NBAS: variants seen among roughly 807,000 people sequenced by gnomAD.
NBAS encodes the protein NAG/BC035112 fusion.
A neutral mutation model predicts 302.5 loss-of-function variants in NBAS; 219 were observed. That is an observed-to-expected ratio of 0.72 (90% CI 0.65 to 0.81). The LOEUF (loss-of-function observed/expected upper bound fraction) is 0.81. Ranked by LOEUF, NBAS falls within the 30% of genes least tolerant of loss-of-function variation. The pLI is 0.00. For synonymous variants in NBAS, 1,118 were observed against 1,021.6 expected, an observed-to-expected ratio of 1.09 and a Z score of -1.80; for missense variants, 2,932 against 2,841.6, an observed-to-expected ratio of 1.03 and a Z score of -0.72.
chr2:14,976,778 C>T, the NBAS span, among the ~76,000 whole-genome samples: 3 of 152,142 alleles, frequency 2.0e-5, no homozygotes, highest in African/African-American at 7.2e-5. Context: ...GAGGAGAAAA[C>T]CATGTGAAGA....
At position 15,245,241 on chromosome 2, in the gene NBAS, C is replaced by T. The variant is rs577996608; in HGVS notation, c.5725-6555G>A. Among the ~76,000 whole-genome samples, 7 of 152,270 alleles carry T rather than the reference C, an allele frequency of 4.6e-5. No individual in the cohort carries two copies. The East Asian group carries it at 1.2e-3, about 25-fold the overall frequency. ...GCGATCTGCTCTTCCCCTCACCCTGCCTCTCTGATCCTATCCCCTCCCTGC... is the reference window on the plus strand; with the variant it reads ...GCGATCTGCTCTTCCCCTCACCCTGTCTCTCTGATCCTATCCCCTCCCTGC... On this transcript the variant is annotated intron_variant, in intron 44 of 51. Coordinates refer to ENST00000281513, the MANE Select transcript of NBAS (RefSeq NM_015909.4).
chr2:15,446,254 A>G (rs189161714), intron 21 of NBAS, among the ~76,000 whole-genome samples: 2 of 152,302 alleles, frequency 1.3e-5, no homozygotes, highest in Admixed American at 6.5e-5. Flanking sequence ...CAAGGCATAT[A>G]ATAATAAAAT....
intron 28 of NBAS, chr2:15,393,654 C>T (rs1269227261): frequency 1.1e-5 from 5 of 470,490 alleles, no homozygotes; most frequent in Admixed American, 9.4e-5. Context: ...TATGAAAAGT[C>T]GTAGCAACTT....
the NBAS span, among the ~76,000 whole-genome samples, chr2:15,122,008 G>A: frequency 6.6e-6 from 1 of 152,180 alleles, no homozygotes; most frequent in East Asian, 1.9e-4. Flanking sequence ...CAGTGGTTAA[G>A]ATCTTTTGCT....
rs76071043 is a variant in NBAS, at chr2:15,372,324, G to T, written c.3703+2284C>A. ...CACATAGGGAGTCATTTTTACATGC[G>T]ACTTCTGTTCCTGTTTTCAATTGGC... On this transcript the variant is annotated intron_variant, in intron 31 of 51. Transcript: ENST00000281513. Among the ~76,000 whole-genome samples the T allele has an allele frequency of 6.0e-3, 911 of 152,160 alleles. 10 individuals carry two copies. The highest frequency in any genetic ancestry group is 0.02 in the African/African-American group (827 of 41,518).
chr2:15,394,247 C>A lies in NBAS; in HGVS notation c.3237G>T (p.Leu1079Phe). The change falls in exon 28 of 52, where the codon TTG becomes TTT. Residue 1079 changes from leucine (L) to phenylalanine (F), a missense_variant. Transcript: ENST00000281513. ...SEEARKLMVR[L>F]TRHTGRKQPP... ...CTCACTTCCGGCCAGTGTGCCTCGT[C>A]AATCTAACCATCAGCTTGCGTGCCT... 6.2e-7 allele frequency: 1 copy of A among 1,610,950 alleles called. No homozygotes were observed. The highest frequency in any genetic ancestry group is 1.1e-5 in the South Asian group (1 of 90,792).
chr2:15,063,080 T>C, the NBAS span, among the ~76,000 whole-genome samples: 3 of 152,212 alleles, frequency 2.0e-5, no homozygotes, highest in Non-Finnish European at 2.9e-5. Flanking sequence ...TAACCCATTG[T>C]CAATCCTTGA....
At chr2:14,806,959 G>A in the NBAS span, among the ~76,000 whole-genome samples, 1 of 152,228 alleles carries the variant, frequency 6.6e-6, no homozygotes, top group East Asian at 1.9e-4. Flanking sequence ...TTATTTTTGT[G>A]AAATGCTGCA....
chr2:15,065,769 C>G, the NBAS span, among the ~76,000 whole-genome samples: 1 of 152,078 alleles, frequency 6.6e-6, no homozygotes, highest in Non-Finnish European at 1.5e-5. Flanking sequence ...AAAGATGCTA[C>G]ATGTTTATGG....
At chr2:14,813,417 GA>G in the NBAS span, among the ~76,000 whole-genome samples, 1 of 152,156 alleles carries the variant, frequency 6.6e-6, no homozygotes, top group East Asian at 1.9e-4. Flanking sequence ...AACTTATTGG[GA>G]ACTGGAATAA....
At chr2:15,133,737 ATG>A in the NBAS span, among the ~76,000 whole-genome samples, 10 of 151,880 alleles carry the variant, frequency 6.6e-5, no homozygotes, top group East Asian at 7.7e-4. Context: ...GGTAGATATA[ATG>A]TGTGTGTGTG....
chr2:14,861,502 C>T, the NBAS span, among the ~76,000 whole-genome samples: 1 of 152,184 alleles, frequency 6.6e-6, no homozygotes, highest in African/African-American at 2.4e-5. Flanking sequence ...TTTAGAAAAA[C>T]AAAACATCTT....
At chr2:15,178,242 T>C (rs1366670134) in intron 51 of NBAS, 1 of 454,788 alleles carries the variant, frequency 2.2e-6, no homozygotes, top group Non-Finnish European at 4.5e-6. Flanking sequence ...TACATATGTG[T>C]GCATGTATGT....
chr2:15,328,222 T>A lies in NBAS; in HGVS notation c.4438A>T (p.Ile1480Phe). 1 of 1,613,886 alleles carries A rather than the reference T, an allele frequency of 6.2e-7. No individual in the cohort carries two copies. ...ACCTCAGCGACAAAAGGATTTGAGATGACAGATTCATAAAAAGGATGACAC... is the reference window on the plus strand; with the variant it reads ...ACCTCAGCGACAAAAGGATTTGAGAAGACAGATTCATAAAAAGGATGACAC... Reference protein sequence around the residue: ...QGCHPFYESVISNPFVAESEG... With the variant: ...QGCHPFYESVFSNPFVAESEG... The change falls in exon 37 of 52, where the codon ATC becomes TTC. Residue 1480 changes from isoleucine to phenylalanine, a missense_variant. Transcript: ENST00000281513.
chr2:15,274,661 G>A (rs1558494149), intron 44 of NBAS, among the ~76,000 whole-genome samples: 1 of 152,116 alleles, frequency 6.6e-6, no homozygotes, highest in Non-Finnish European at 1.5e-5. Context: ...AGTCAAAGGA[G>A]GCCAAACTGA....
the NBAS span, among the ~76,000 whole-genome samples, chr2:15,080,286 T>C: frequency 1.4e-4 from 21 of 152,332 alleles, no homozygotes; most frequent in African/African-American, 5.1e-4. Flanking sequence ...CACATGCACC[T>C]AGAGATAAGG....
the NBAS span, among the ~76,000 whole-genome samples, chr2:14,937,144 A>G: frequency 6.6e-6 from 1 of 152,164 alleles, no homozygotes; most frequent in Admixed American, 6.5e-5. Context: ...GAAGAGGGAG[A>G]CTTTGCTGGT....
chr2:14,984,122 G>A, the NBAS span, among the ~76,000 whole-genome samples: 2 of 152,276 alleles, frequency 1.3e-5, no homozygotes. Context: ...ACAAGGGTAA[G>A]AAAATGGCTG....
chr2:15,462,387 A>G (rs1679544952), intron 19 of NBAS, among the ~76,000 whole-genome samples: 1 of 152,182 alleles, frequency 6.6e-6, no homozygotes, highest in African/African-American at 2.4e-5. Context: ...AGTGGCCCAC[A>G]AGCTGAAACA....
Sources: allele counts gnomAD v4.1 joint callset (sites outside exome capture counted in the v4.1 genomes callset), GRCh38; gene constraint gnomAD v4.1.1; transcripts MANE v1.5; gene names NCBI Gene and HGNC (gene_info 2026-07-23, HGNC 2026-07-21).